ODAD3: variants seen among roughly 807,000 people sequenced by gnomAD.
The protein encoded by ODAD3 is outer dynein arm-docking complex subunit 3.
A neutral mutation model predicts 70.9 loss-of-function variants in ODAD3; 57 were observed. The observed-to-expected ratio is 0.80, with a 90% CI of 0.65 to 1.00. ODAD3 has a LOEUF of 1.00. ODAD3 is among the 50% of genes least tolerant of loss of function. ODAD3 has a pLI of 0.00. For missense variants in ODAD3, 797 were observed against 763.9 expected, an observed-to-expected ratio of 1.04 and a Z score of -0.51; for synonymous variants, 327 against 315.9, an observed-to-expected ratio of 1.04 and a Z score of -0.37.
upstream of ODAD3, chr19:11,435,153 A>G (rs1051894062): frequency 1.4e-6 from 2 of 1,435,214 alleles, no homozygotes; most frequent in African/African-American, 1.4e-5. Context: ...TGCGCTCCGC[A>G]TCTCTCGGTT....
chr19:11,435,017 G>C lies in ODAD3; in HGVS notation c.-1C>G, dbSNP rs749390876. ...CCGCCCTGCACAGAGGAGATGTCAT[G>C]ATGGGGTTGGGGCTGAAGGCCCCTA... On this transcript the variant is annotated 5_prime_UTR_variant, in exon 1 of 13. The change creates a new upstream start codon in the 5' untranslated region. Transcript: ENST00000356392. 6.2e-7 allele frequency: 1 copy of C among 1,609,362 alleles called. No individual in the cohort carries two copies. Among genetic ancestry groups the C allele is most frequent in the East Asian group, 2.2e-5 (1 of 44,842 alleles).
intron 1 of ODAD3, 171 bp from the exon 2 acceptor site, chr19:11,431,191 A>G (rs1969497022): frequency 1.3e-6 from 1 of 750,944 alleles, no homozygotes; most frequent in South Asian, 1.9e-5. Flanking sequence ...GGCTCACCAC[A>G]GCCTCCGCCT....
At chr19:11,425,465 AT>A (rs1969327639) in intron 7 of ODAD3, among the ~76,000 whole-genome samples, 1 of 132,232 alleles carries the variant, frequency 7.6e-6, no homozygotes, top group African/African-American at 3.4e-5. Context: ...ATGTGTGTGT[AT>A]ATATGTATAT....
chr19:11,432,444 C>T (rs1969522644), intron 1 of ODAD3, among the ~76,000 whole-genome samples: 1 of 152,044 alleles, frequency 6.6e-6, no homozygotes, highest in African/African-American at 2.4e-5. Context: ...AAGGATCTCA[C>T]TATGTTGCCC....
intron 1 of ODAD3, among the ~76,000 whole-genome samples, chr19:11,433,086 G>A (rs990857370): frequency 2.6e-5 from 4 of 151,994 alleles, no homozygotes; most frequent in Non-Finnish European, 4.4e-5. Context: ...GAGCCACCTC[G>A]CCCAGCCATG....
At chr19:11,421,240 A>C (rs1214750472) in intron 11 of ODAD3, 28 bp from the exon 12 acceptor site, 9 of 1,601,350 alleles carry the variant, frequency 5.6e-6, no homozygotes, top group African/African-American at 4.0e-5. Flanking sequence ...GCGAGAGAGG[A>C]AGGTGGGCGG....
intron 11 of ODAD3, 41 bp downstream of exon 11, chr19:11,421,636 C>A: frequency 1.9e-6 from 3 of 1,588,358 alleles, no homozygotes; most frequent in Non-Finnish European, 8.6e-7. Context: ...CCCAGCCCTA[C>A]TCCTAGATCT....
intron 7 of ODAD3, among the ~76,000 whole-genome samples, chr19:11,425,382 T>C (rs1330635146): frequency 1.0e-4 from 14 of 137,204 alleles, no homozygotes; most frequent in African/African-American, 2.9e-4. Context: ...TATATGTGTG[T>C]ATGTACATAT....
At chr19:11,435,732 G>A (rs1234115321), upstream of ODAD3, 9 of 1,343,742 alleles carry the variant, frequency 6.7e-6, no homozygotes, top group East Asian at 4.5e-5. Flanking sequence ...CGGGTGGGAG[G>A]GCACCTCAGT....
chr19:11,423,320 G>A (rs1969186162), intron 8 of ODAD3, among the ~76,000 whole-genome samples: 1 of 152,198 alleles, frequency 6.6e-6, no homozygotes, highest in Non-Finnish European at 1.5e-5. Flanking sequence ...GTCATCAGGG[G>A]TCGGCCCCAT....
rs1969150945 is a variant in ODAD3, at chr19:11,422,121, C to T, written c.1435-289G>A. 6.6e-6 allele frequency among the ~76,000 whole-genome samples: 1 copy of T among 152,220 alleles called. No homozygotes were observed. Among genetic ancestry groups the T allele is most frequent in the East Asian group, 1.9e-4 (1 of 5,202 alleles). ...CTCCTGAAGAAATGGCCCTCTGCTG[C>T]GGGCAGGATAGGTCTTCTGTCTCGG... On this transcript the variant is annotated intron_variant, in intron 10 of 12. Transcript: ENST00000356392. The surrounding 1 kb of genome is among the most constrained non-coding windows in gnomAD (Gnocchi z 4.6).
At chr19:11,421,069 C>T in intron 12 of ODAD3, 59 bp downstream of exon 12, 1 of 1,593,956 alleles carries the variant, frequency 6.3e-7, no homozygotes, top group Non-Finnish European at 8.6e-7. Flanking sequence ...ATCTGACAAC[C>T]TCCTGCTACC....
intron 7 of ODAD3, 70 bp from the exon 8 acceptor site, chr19:11,424,099 G>A (rs1969206838): frequency 1.3e-6 from 2 of 1,552,496 alleles, no homozygotes. Flanking sequence ...CCGGGGAGGG[G>A]GATCCAGATA....
In ODAD3 at chr19:11,430,658, G is replaced by T. The variant is rs373537101; in HGVS notation, c.444+41C>A. On this transcript the variant is annotated intron_variant, in intron 3 of 12. Coordinates refer to ENST00000356392, the MANE Select transcript of ODAD3 (RefSeq NM_145045.5). ...TGGAGTCCAGTGGTGAGGGGACCCA[G>T]GCTGGAAATGAAGGAGGAGGTGGGG... The T allele has an allele frequency of 3.4e-5, 55 of 1,603,686 alleles. 1 individual carries two copies. Among genetic ancestry groups the T allele is most frequent in the Non-Finnish European group, 4.5e-5 (53 of 1,170,590 alleles).
chr19:11,425,405 A>G (rs1194047437), intron 7 of ODAD3, among the ~76,000 whole-genome samples: 2 of 110,730 alleles, frequency 1.8e-5, no homozygotes, highest in Admixed American at 8.0e-5. Flanking sequence ...GTATATGTAT[A>G]TATACATATA....
chr19:11,434,938 C>G lies in ODAD3; in HGVS notation c.79G>C (p.Val27Leu), dbSNP rs1441027512. Reference sequence around the variant, plus strand: ...TTGCCCGAAGCCTCCCTGCCCTTGACCCTGGAAGAGGGCGTCGAAGCCTGG... The same window carrying G: ...TTGCCCGAAGCCTCCCTGCCCTTGAGCCTGGAAGAGGGCGTCGAAGCCTGG... ...QDQASTPSSR[V>L]KGREASGKPS... is the part of the protein sequence containing the mutation. The change falls in exon 1 of 13, where the codon GTC becomes CTC. Residue 27 changes from valine (V) to leucine (L), a missense_variant. By Grantham distance (32) the Val-to-Leu change is conservative. Coordinates refer to ENST00000356392, the MANE Select transcript of ODAD3 (RefSeq NM_145045.5). 3 of 1,614,042 alleles carry G rather than the reference C, an allele frequency of 1.9e-6. No individual in the cohort carries two copies. The highest frequency in any genetic ancestry group is 2.5e-6 in the Non-Finnish European group (3 of 1,180,038).
intron 7 of ODAD3, among the ~76,000 whole-genome samples, chr19:11,425,345 A>C (rs1416576884): frequency 7.6e-6 from 1 of 131,004 alleles, no homozygotes; most frequent in Non-Finnish European, 1.6e-5. Context: ...GTATATATGT[A>C]TATATGTGTA....
intron 1 of ODAD3, among the ~76,000 whole-genome samples, chr19:11,433,340 G>A (rs111700101): frequency 0.077 from 11,662 of 152,152 alleles, 527 homozygotes; most frequent in Admixed American, 0.13. Context: ...TAGAGACAGC[G>A]TTTCACCGTG....
chr19:11,435,630 G>C (rs1969675535), upstream of ODAD3: 1 of 1,224,196 alleles, frequency 8.2e-7, no homozygotes, highest in Non-Finnish European at 1.1e-6. Flanking sequence ...AGAAATTTCC[G>C]CTTTCTTTCT....
Sources: gnomAD v4.1 joint callset for allele counts (sites outside exome capture counted in the v4.1 genomes callset) on GRCh38, gnomAD v4.1.1 for gene constraint, Gnocchi (gnomAD v3.1) non-coding constraint, MANE v1.5 for transcripts, NCBI Gene and HGNC (gene_info 2026-07-23, HGNC 2026-07-21) for gene names.